The following FAM184A variants were observed in gnomAD, a reference collection of about 807,000 sequenced individuals.
The protein encoded by FAM184A is protein FAM184A.
Under a neutral mutation model 143.8 loss-of-function variants are expected in FAM184A, and 99 were observed. That is an observed-to-expected ratio of 0.69 (90% CI 0.58 to 0.81). The LOEUF (loss-of-function observed/expected upper bound fraction) is 0.81, where lower values mean the gene tolerates loss of function less well. FAM184A is among the 40% of genes least tolerant of loss of function. The pLI, the probability that FAM184A is intolerant of heterozygous loss-of-function variation, is 0.00. For missense variants in FAM184A, 1,217 were observed against 1,310.5 expected, an observed-to-expected ratio of 0.93 and a Z score of 1.10; for synonymous variants, 427 against 446.4, an observed-to-expected ratio of 0.96 and a Z score of 0.55.
chr6:118,994,454 G>A (rs551692640), intron 9 of FAM184A, among the ~76,000 whole-genome samples: 350 of 151,572 alleles, frequency 2.3e-3, no homozygotes, highest in African/African-American at 8.3e-3. Context: ...TGGGAGGCTG[G>A]GGCAGGTGGA....
chr6:118,976,621 G>A (rs904141848), intron 11 of FAM184A, among the ~76,000 whole-genome samples: 6 of 150,688 alleles, frequency 4.0e-5, no homozygotes, highest in Admixed American at 2.0e-4. Flanking sequence ...CCGAGATCAC[G>A]CCATTGCACT....
intron 1 of FAM184A, among the ~76,000 whole-genome samples, chr6:119,045,314 C>G (rs1385935225): frequency 8.2e-6 from 1 of 122,216 alleles, no homozygotes; most frequent in Non-Finnish European, 1.7e-5. Flanking sequence ...TTTTGCCATT[C>G]TATTCATCTA....
chr6:119,003,036 T>C lies in FAM184A; in HGVS notation c.1951A>G (p.Lys651Glu), dbSNP rs751505348. 2.2e-5 allele frequency: 35 copies of C among 1,604,146 alleles called. No homozygotes were observed. Among genetic ancestry groups the C allele is most frequent in the Non-Finnish European group, 2.9e-5 (34 of 1,177,446 alleles). ...WTENLRQECS[K>E]LREELRLQHE... is the part of the protein sequence containing the mutation. The stretch of plus-strand genomic sequence containing the variant: ...TGAAGCCTTAACTCTTCACGAAGTT[T>C]AGAACACTCTTGTCTAAAATAAAAC... Residue 651 changes from lysine to glutamate, a missense_variant, in exon 9 of 18, where the codon AAA (lysine) becomes GAA (glutamate). By Grantham distance (56) the Lys-to-Glu change is moderately conservative. Transcript: ENST00000338891.
chr6:118,972,299 C>T (rs1211647374), intron 14 of FAM184A, among the ~76,000 whole-genome samples: 2 of 152,102 alleles, frequency 1.3e-5, no homozygotes, highest in Non-Finnish European at 2.9e-5. Context: ...TGCTAATCAC[C>T]GTTCAAGCAT....
chr6:119,125,838 C>T (rs529520857), intron 1 of FAM184A, among the ~76,000 whole-genome samples: 1 of 152,284 alleles, frequency 6.6e-6, no homozygotes, highest in African/African-American at 2.4e-5. Flanking sequence ...TGGAGGACTT[C>T]CTGGTAGCAC....
intron 4 of FAM184A, among the ~76,000 whole-genome samples, chr6:119,019,648 G>C (rs1389123884): frequency 6.6e-6 from 1 of 152,106 alleles, no homozygotes; most frequent in East Asian, 1.9e-4. Flanking sequence ...TGGATATGCA[G>C]TAATATATTT....
chr6:119,126,786 A>G (rs1227365503), intron 1 of FAM184A, among the ~76,000 whole-genome samples: 6 of 152,174 alleles, frequency 3.9e-5, no homozygotes, highest in African/African-American at 1.4e-4. Flanking sequence ...AGGTCTCACA[A>G]ATGAATTTAA....
intron 1 of FAM184A, among the ~76,000 whole-genome samples, chr6:119,123,916 A>G (rs1789292268): frequency 6.6e-6 from 1 of 152,208 alleles, no homozygotes; most frequent in Non-Finnish European, 1.5e-5. Context: ...GTGCCATTAC[A>G]TTACAGTTGT....
At chr6:119,030,772 GA>G (rs895385177) in intron 1 of FAM184A, among the ~76,000 whole-genome samples, 9 of 149,650 alleles carry the variant, frequency 6.0e-5, no homozygotes, top group East Asian at 3.9e-4. Flanking sequence ...TTTACAAATA[GA>G]AAAAAAAACT....
At chr6:119,084,608 G>C (rs1476292391) in intron 1 of FAM184A, among the ~76,000 whole-genome samples, 2 of 152,222 alleles carry the variant, frequency 1.3e-5, no homozygotes, top group Non-Finnish European at 2.9e-5. Context: ...AAGGGCTGGA[G>C]GATGGCAGCC....
intron 1 of FAM184A, among the ~76,000 whole-genome samples, chr6:119,044,613 C>T (rs1786460714): frequency 6.7e-6 from 1 of 150,216 alleles, no homozygotes; most frequent in Non-Finnish European, 1.5e-5. Context: ...AAGATCAACA[C>T]ACATCAATTA....
chr6:119,146,281 T>C (rs808033), intron 1 of FAM184A, among the ~76,000 whole-genome samples: 5,546 of 152,188 alleles, frequency 0.036, 143 homozygotes, highest in Middle Eastern at 0.078. Context: ...TTTGGGGAAC[T>C]CTGTACATTC....
chr6:119,146,700 A>T (rs1772446601), intron 1 of FAM184A, among the ~76,000 whole-genome samples: 1 of 152,098 alleles, frequency 6.6e-6, no homozygotes, highest in African/African-American at 2.4e-5. Context: ...AATTTGACAA[A>T]TAAGGAATAA....
Position 119,146,397 on chromosome 6 carries a change from CGTGTGTGTGT to C in FAM184A, c.-202+2671_-202+2680del, listed in dbSNP as rs60937351. 7.6e-4 allele frequency among the ~76,000 whole-genome samples: 104 copies of C among 136,390 alleles called. 1 individual carries two copies. The highest frequency in any genetic ancestry group is 1.1e-3 in the East Asian group (5 of 4,486). The allele number at this position is 136,390 out of a possible 152,430, so 89.5% of individuals were successfully genotyped here. On this transcript the variant is annotated intron_variant, in intron 1 of 16. Transcript: ENST00000352896. ...TTCAGTGCCTTTCCCGATTAACTTACGTGTGTGTGTGTGTGTGTGTGTGTGTGTGTGTGTG... is the reference window on the plus strand; with the variant it reads ...TTCAGTGCCTTTCCCGATTAACTTACGTGTGTGTGTGTGTGTGTGTGTGTG...
intron 1 of FAM184A, among the ~76,000 whole-genome samples, chr6:119,051,716 C>G (rs1460403400): frequency 1.3e-5 from 2 of 151,804 alleles, no homozygotes; most frequent in African/African-American, 4.8e-5. Context: ...GAATATCCTG[C>G]TATTGGTTTG....
At chr6:118,972,203 A>G (rs767422372) in intron 14 of FAM184A, among the ~76,000 whole-genome samples, 4 of 152,210 alleles carry the variant, frequency 2.6e-5, no homozygotes, top group Non-Finnish European at 5.9e-5. Context: ...ATGTTTTCCA[A>G]CATTGTAGCC....
At chr6:119,055,910 T>C (rs919036241) in intron 1 of FAM184A, among the ~76,000 whole-genome samples, 2 of 151,668 alleles carry the variant, frequency 1.3e-5, no homozygotes, top group Admixed American at 6.6e-5. Flanking sequence ...TTCTGGGGCC[T>C]GGCCTTTATT....
intron 9 of FAM184A, among the ~76,000 whole-genome samples, chr6:118,990,553 T>C (rs193259195): frequency 2.7e-5 from 4 of 149,148 alleles, no homozygotes; most frequent in Admixed American, 1.4e-4. Context: ...AATACATAAC[T>C]GAAGTAACCT....
chr6:119,099,059 G>A (rs1452864359), intron 1 of FAM184A, among the ~76,000 whole-genome samples: 4 of 152,168 alleles, frequency 2.6e-5, no homozygotes, highest in African/African-American at 4.8e-5. Flanking sequence ...GCAGTGAGCC[G>A]AGATCATGCC....
Sources: allele counts gnomAD v4.1 joint callset (sites outside exome capture counted in the v4.1 genomes callset), GRCh38; gene constraint gnomAD v4.1.1; transcripts MANE v1.5; gene names NCBI Gene and HGNC (gene_info 2026-07-23, HGNC 2026-07-21).